The following KDM4C variants were observed in gnomAD, a reference collection of about 807,000 sequenced individuals.
KDM4C encodes lysine demethylase 4C.
A neutral mutation model predicts 129.3 loss-of-function variants in KDM4C; 81 were observed. The observed-to-expected ratio is 0.63, with a 90% CI of 0.52 to 0.75. The LOEUF is 0.75. Ranked by LOEUF, KDM4C falls within the 30% of genes least tolerant of loss-of-function variation. The pLI, the probability that KDM4C is intolerant of heterozygous loss-of-function variation, is 0.00. For missense variants in KDM4C, 1,457 were observed against 1,304.0 expected (o/e 1.12, Z -1.81); for synonymous variants, 573 against 456.1 (o/e 1.26, Z -3.26).
intron 8 of KDM4C, among the ~76,000 whole-genome samples, chr9:6,910,600 A>G (rs1181758230): frequency 1.3e-5 from 2 of 152,230 alleles, no homozygotes; most frequent in Non-Finnish European, 2.9e-5. Context: ...GGTGCAGAAG[A>G]CAAATGGAAA....
At chr9:6,755,263 T>C (rs1288874035), upstream of KDM4C, among the ~76,000 whole-genome samples, 1 of 152,110 alleles carries the variant, frequency 6.6e-6, no homozygotes, top group Non-Finnish European at 1.5e-5. Context: ...CCCAGCTACT[T>C]GGGAGGCTGA....
At chr9:7,073,973 A>G (rs1389572016) in intron 17 of KDM4C, among the ~76,000 whole-genome samples, 2 of 152,218 alleles carry the variant, frequency 1.3e-5, no homozygotes, top group African/African-American at 2.4e-5. Flanking sequence ...GGTTTTGTTA[A>G]CCAGAAATAA....
intron 15 of KDM4C, among the ~76,000 whole-genome samples, chr9:7,026,934 T>G (rs963668363): frequency 1.3e-5 from 2 of 152,092 alleles, no homozygotes; most frequent in Non-Finnish European, 2.9e-5. Flanking sequence ...TCTACTTGAT[T>G]CTTTTTAATT....
At chr9:7,019,133 A>C (rs1224778585) in intron 15 of KDM4C, among the ~76,000 whole-genome samples, 1 of 152,210 alleles carries the variant, frequency 6.6e-6, no homozygotes, top group Non-Finnish European at 1.5e-5. Flanking sequence ...AAAGTAACTG[A>C]CAGTATTGAT....
At chr9:6,867,989 T>G (rs1034053676) in intron 5 of KDM4C, among the ~76,000 whole-genome samples, 4 of 152,056 alleles carry the variant, frequency 2.6e-5, no homozygotes, top group East Asian at 3.9e-4. Context: ...TGGAAAAGCT[T>G]TAACACAGAG....
At chr9:6,932,313 C>A (rs75187288) in intron 8 of KDM4C, among the ~76,000 whole-genome samples, 1 of 151,898 alleles carries the variant, frequency 6.6e-6, no homozygotes, top group Non-Finnish European at 1.5e-5. Context: ...GTTTCTGCGG[C>A]ACAGGGATTA....
intron 18 of KDM4C, among the ~76,000 whole-genome samples, chr9:7,107,368 T>G (rs1428413991): frequency 2.6e-5 from 4 of 152,262 alleles, no homozygotes; most frequent in African/African-American, 9.6e-5. Flanking sequence ...ACCTATACAC[T>G]ATATACTTCT....
chr9:6,778,851 A>G (rs1415268359), intron 1 of KDM4C, among the ~76,000 whole-genome samples: 1 of 147,022 alleles, frequency 6.8e-6, no homozygotes, highest in South Asian at 2.2e-4. Context: ...AAGGAGTCTC[A>G]TGTTCGCCCA....
At chr9:7,011,585 G>T in intron 12 of KDM4C, 113 bp from the exon 13 acceptor site, 1 of 933,384 alleles carries the variant, frequency 1.1e-6, no homozygotes, top group Non-Finnish European at 1.7e-6. Flanking sequence ...AAGTAGGTTT[G>T]GTTTCCGGCC....
chr9:7,000,576 A>G (rs1353908224), intron 12 of KDM4C, among the ~76,000 whole-genome samples: 1 of 152,218 alleles, frequency 6.6e-6, no homozygotes, highest in Non-Finnish European at 1.5e-5. Context: ...ACAGATTTTG[A>G]TAGCACAGTT....
rs1239554866 is a variant in KDM4C, at chr9:7,174,625, CAA to C, written c.3069_3070del (p.Arg1024SerfsTer7). ...ADIIQGERKRQRVLSSRFKNE... is the reference protein window; with the variant it reads ...ADIIQGERKRXRVLSSRFKNE... Reference sequence around the variant, plus strand: ...CATTATCCAAGGGGAGAGAAAGAGACAAAGAGTGCTGAGCTCCAGGTTTAAGA... The same window carrying C: ...CATTATCCAAGGGGAGAGAAAGAGACAGAGTGCTGAGCTCCAGGTTTAAGA... On this transcript the variant is annotated frameshift_variant, in exon 22 of 22. Transcript: ENST00000381309. LOFTEE classifies it high-confidence loss of function. The C allele has an allele frequency of 1.2e-6, 2 of 1,614,138 alleles. No individual in the cohort carries two copies. The highest frequency in any genetic ancestry group is 1.7e-6 in the Non-Finnish European group (2 of 1,179,974).
chr9:6,887,022 G>T (rs558523298), intron 6 of KDM4C, among the ~76,000 whole-genome samples: 107 of 152,352 alleles, frequency 7.0e-4, no homozygotes, highest in South Asian at 4.3e-3. Flanking sequence ...GAGTCAGACA[G>T]CATCTACGCC....
At chr9:7,096,021 T>C (rs1004066929) in intron 17 of KDM4C, among the ~76,000 whole-genome samples, 3 of 152,210 alleles carry the variant, frequency 2.0e-5, no homozygotes, top group Admixed American at 6.5e-5. Context: ...AGGCTTTCTT[T>C]CCCCACCCAT....
chr9:7,002,871 T>TA, intron 12 of KDM4C, among the ~76,000 whole-genome samples: 1 of 152,314 alleles, frequency 6.6e-6, no homozygotes, highest in Non-Finnish European at 1.5e-5. Context: ...CTCTACACTC[T>TA]TGTGTTTTAG....
intron 1 of KDM4C, among the ~76,000 whole-genome samples, chr9:6,733,674 G>A (rs1817427592): frequency 1.3e-5 from 2 of 152,208 alleles, no homozygotes; most frequent in South Asian, 4.1e-4. Flanking sequence ...AGAGTTCAGG[G>A]AGAGTCCGTA....
intron 8 of KDM4C, among the ~76,000 whole-genome samples, chr9:6,937,753 C>G (rs768476901): frequency 6.6e-6 from 1 of 152,036 alleles, no homozygotes; most frequent in Non-Finnish European, 1.5e-5. Context: ...GCTCTGTCGC[C>G]GAGGCTGGAG....
intron 1 of KDM4C, among the ~76,000 whole-genome samples, chr9:6,789,740 G>T (rs1196566878): frequency 1.3e-5 from 2 of 152,000 alleles, no homozygotes; most frequent in Non-Finnish European, 2.9e-5. Context: ...CCATGAATTT[G>T]GGGGTATGTA....
chr9:6,981,958 T>C (rs559402923), intron 9 of KDM4C: 1 of 168,166 alleles, frequency 5.9e-6, no homozygotes, highest in African/African-American at 2.4e-5. Flanking sequence ...ATTAACATTT[T>C]GTATATATCC....
chr9:7,174,430 T>C (rs7029684), intron 21 of KDM4C, 123 bp from the exon 22 acceptor site: 666,545 of 847,706 alleles, frequency 0.79, 263,573 homozygotes, highest in African/African-American at 0.91. Flanking sequence ...TGGGGCCCTT[T>C]TAGCCTGAGC....
Sources: gnomAD v4.1 joint callset for allele counts (sites outside exome capture counted in the v4.1 genomes callset) on GRCh38, gnomAD v4.1.1 for gene constraint, MANE v1.5 for transcripts, NCBI Gene and HGNC (gene_info 2026-07-23, HGNC 2026-07-21) for gene names.